Variants in PPP6R2 observed in about 807,000 individuals in gnomAD.
PPP6R2 encodes the protein serine/threonine-protein phosphatase 6 regulatory subunit 2.
A neutral mutation model predicts 100.2 loss-of-function variants in PPP6R2; 62 were observed. The observed-to-expected ratio is 0.62, with a 90% CI of 0.50 to 0.76. The LOEUF (loss-of-function observed/expected upper bound fraction) is 0.76, where lower values mean the gene tolerates loss of function less well. PPP6R2 is among the 30% of genes least tolerant of loss of function. The probability of loss-of-function intolerance (pLI) is 0.00; values close to 1 mark genes in which losing one functional copy is unlikely to be tolerated. For synonymous variants in PPP6R2, 525 were observed against 514.7 expected (o/e 1.02, Z -0.27); for missense variants, 1,142 against 1,276.3 (o/e 0.89, Z 1.60).
intron 1 of PPP6R2, among the ~76,000 whole-genome samples, chr22:50,371,044 G>C (rs973646177): frequency 6.6e-6 from 1 of 152,172 alleles, no homozygotes; most frequent in African/African-American, 2.4e-5. Flanking sequence ...GTGGGTTCAA[G>C]AGCTAAACGT....
intron 1 of PPP6R2, among the ~76,000 whole-genome samples, chr22:50,366,418 C>A (rs28710108): frequency 6.6e-6 from 1 of 151,752 alleles, no homozygotes; most frequent in Non-Finnish European, 1.5e-5. Context: ...GTTCTCCTTC[C>A]TCAGCCTCCC....
At position 50,438,739 on chromosome 22, in the gene PPP6R2, C is replaced by G. The variant is rs1254462579; in HGVS notation, c.2105C>G (p.Pro702Arg). ...CCGGCCCCCGGGAAGAAGGAAGCGC[C>G]CCCTGTGGAGGGTGACTCAGAAGGT... ...APPAPGKKEA[P>R]PVEGDSEGAM... Residue 702 changes from proline (P) to arginine (R), a missense_variant, in exon 19 of 24, where the codon CCC (proline) becomes CGC (arginine). By Grantham distance (103) the Pro-to-Arg change is moderately radical (BLOSUM62 -2). This residue lies in a region of PPP6R2 where 550 missense variants were observed against 517.4 expected (regional missense o/e 1.06). Transcript: ENST00000612753. 1 of 1,601,992 alleles carries G rather than the reference C, an allele frequency of 6.2e-7. No individual in the cohort carries two copies. The highest frequency in any genetic ancestry group is 8.5e-7 in the Non-Finnish European group (1 of 1,174,512).
the PPP6R2 span, among the ~76,000 whole-genome samples, chr22:50,333,924 G>A: frequency 1.3e-5 from 2 of 152,212 alleles, no homozygotes; most frequent in South Asian, 2.1e-4. Flanking sequence ...CGCGAGTCAC[G>A]TGTCCATGGG....
intron 21 of PPP6R2, 44 bp downstream of exon 21, chr22:50,440,093 A>C: frequency 6.5e-7 from 1 of 1,548,382 alleles, no homozygotes. Context: ...TGCCCAGTTT[A>C]AGGCCTGAGG....
At chr22:50,439,922 G>A in intron 20 of PPP6R2, 39 bp from the exon 21 acceptor site, 1 of 1,608,310 alleles carries the variant, frequency 6.2e-7, no homozygotes, top group East Asian at 2.2e-5. Context: ...GGAGGCACCT[G>A]TCCCCCAGGA....
At chr22:50,339,844 G>GTGGA, upstream of PPP6R2, among the ~76,000 whole-genome samples, 1 of 118,226 alleles carries the variant, frequency 8.5e-6, no homozygotes, top group Non-Finnish European at 1.7e-5. Flanking sequence ...TGTGGTGTGT[G>GTGGA]GTGTGTGTGT....
At chr22:50,378,555 C>T (rs1479316212) in intron 2 of PPP6R2, among the ~76,000 whole-genome samples, 1 of 150,720 alleles carries the variant, frequency 6.6e-6, no homozygotes, top group African/African-American at 2.5e-5. Flanking sequence ...CATTGCACTC[C>T]AGCCTGGGCA....
At chr22:50,357,658 T>C (rs1024205002) in intron 1 of PPP6R2, among the ~76,000 whole-genome samples, 1 of 151,386 alleles carries the variant, frequency 6.6e-6, no homozygotes, top group African/African-American at 2.4e-5. Context: ...GATGGAGTCT[T>C]GCACTGTCAC....
intron 17 of PPP6R2, 134 bp downstream of exon 17, chr22:50,438,034 T>A: frequency 6.7e-7 from 1 of 1,492,372 alleles, no homozygotes; most frequent in Non-Finnish European, 9.1e-7. Context: ...GAACAGTCGC[T>A]TTCCTTGCCC....
chr22:50,443,555 A>C (rs1217895443), intron 22 of PPP6R2: 1 of 390,616 alleles, frequency 2.6e-6, no homozygotes, highest in East Asian at 4.3e-5. Context: ...TGAAGTTGAG[A>C]TCATAGCACA....
rs557118142 is a variant in PPP6R2 at position 50,375,832 on chromosome 22, A to ATTT, written c.-17+3706_-17+3708dup. On this transcript the variant is annotated intron_variant, in intron 2 of 23. Transcript: ENST00000612753. ...CCTAAGATACAAAGAATCCCTGCAG[A>ATTT]TTTTTTTTTTTTTTTTTTTTTTTTT... 6.5e-4 allele frequency among the ~76,000 whole-genome samples: 42 copies of ATTT among 64,554 alleles called. 4 individuals carry two copies. Among genetic ancestry groups the ATTT allele is most frequent in the South Asian group, 2.7e-3 (3 of 1,098 alleles). The allele number at this position is 64,554 out of a possible 152,430, so 42.3% of individuals were successfully genotyped here. A position where few individuals can be genotyped will look rare whatever the true frequency, so the allele number is the denominator to read the frequency against.
chr22:50,410,239 C>T (rs2059549800), intron 4 of PPP6R2, among the ~76,000 whole-genome samples: 1 of 152,082 alleles, frequency 6.6e-6, no homozygotes, highest in South Asian at 2.1e-4. Context: ...GGTCCACAGG[C>T]CAAAAGCAGC....
chr22:50,416,304 G>A (rs2060522998), intron 6 of PPP6R2, 147 bp downstream of exon 6: 2 of 640,598 alleles, frequency 3.1e-6, no homozygotes, highest in African/African-American at 1.8e-5. Context: ...CTTTAATCAA[G>A]CACTGACTTC....
At chr22:50,351,656 T>G (rs1029921824) in intron 1 of PPP6R2, among the ~76,000 whole-genome samples, 6 of 151,982 alleles carry the variant, frequency 3.9e-5, no homozygotes, top group Non-Finnish European at 5.9e-5. Flanking sequence ...TGTTTTGAAA[T>G]GGAGTCTCCC....
chr22:50,347,570 C>G (rs2044080365), intron 1 of PPP6R2, among the ~76,000 whole-genome samples: 1 of 152,080 alleles, frequency 6.6e-6, no homozygotes, highest in South Asian at 2.1e-4. Flanking sequence ...AGCTTCCCTA[C>G]CTGCTTTGTC....
In PPP6R2 at chr22:50,438,321, CAA is replaced by C. The variant is rs760582607; in HGVS notation, c.1964+25_1964+26del. Reference sequence around the variant, plus strand: ...CAGGTGCGGGGCCTGCCCATCCCCACAAAGCCTCTGCCGAGGAGGTTCAGCCC... The same window carrying C: ...CAGGTGCGGGGCCTGCCCATCCCCACAGCCTCTGCCGAGGAGGTTCAGCCC... On this transcript the variant is annotated intron_variant, in intron 18 of 23. Transcript: ENST00000612753. 7 of 1,603,052 alleles carry C rather than the reference CAA, an allele frequency of 4.4e-6. No individual in the cohort carries two copies. In the South Asian group the frequency reaches 4.5e-5, roughly 10 times the overall value.
chr22:50,339,624 T>G (rs1301352794), upstream of PPP6R2, among the ~76,000 whole-genome samples: 1 of 129,938 alleles, frequency 7.7e-6, no homozygotes, highest in Admixed American at 8.9e-5. Context: ...TGGTATGTAG[T>G]GTGTGTTATG....
At chr22:50,339,906 T>C (rs1188744828), upstream of PPP6R2, among the ~76,000 whole-genome samples, 4 of 119,420 alleles carry the variant, frequency 3.3e-5, no homozygotes, top group African/African-American at 1.3e-4. Context: ...GTGGTGTGTG[T>C]GGTATGTGGT....
Position 50,428,008 on chromosome 22 carries a change from C to G in PPP6R2, c.1126-3165C>G, listed in dbSNP as rs1230357376. Reference sequence around the variant, plus strand: ...GTGCTGGGATTATAGGCGTGAGCCACCACGCCCAGCCAATTTTTATATTTT... The same window carrying G: ...GTGCTGGGATTATAGGCGTGAGCCAGCACGCCCAGCCAATTTTTATATTTT... On this transcript the variant is annotated intron_variant, in intron 10 of 23. Coordinates refer to ENST00000612753, the MANE Select transcript of PPP6R2 (RefSeq NM_001242898.2). Among the ~76,000 whole-genome samples the G allele has an allele frequency of 2.0e-5, 3 of 151,192 alleles. 1 individual carries two copies. The highest frequency in any genetic ancestry group is 4.1e-4 in the South Asian group (2 of 4,822).
Sources: allele counts gnomAD v4.1 joint callset (sites outside exome capture counted in the v4.1 genomes callset), GRCh38; gene constraint gnomAD v4.1.1; regional missense constraint gnomAD v4.1.1; transcripts MANE v1.5; gene names NCBI Gene and HGNC (gene_info 2026-07-23, HGNC 2026-07-21).